The following MAML2 variants were observed in gnomAD, a reference collection of about 807,000 sequenced individuals.
The protein encoded by MAML2 is mastermind like transcriptional coactivator 2.
MAML2 carries 22 observed loss-of-function variants against 96.1 expected under a neutral mutation model. That is an observed-to-expected ratio of 0.23 (90% CI 0.16 to 0.33). MAML2 has a LOEUF of 0.33. Among genes scored for constraint, MAML2 ranks in the 10% least tolerant of loss-of-function variants. The pLI, the probability that MAML2 is intolerant of heterozygous loss-of-function variation, is 1.00. For missense variants in MAML2, 1,367 were observed against 1,392.4 expected, an observed-to-expected ratio of 0.98 and a Z score of 0.29; for synonymous variants, 561 against 521.3, an observed-to-expected ratio of 1.08 and a Z score of -1.04.
At chr11:96,149,537 G>A (rs1434488865) in intron 1 of MAML2, among the ~76,000 whole-genome samples, 1 of 151,876 alleles carries the variant, frequency 6.6e-6, no homozygotes, top group African/African-American at 2.4e-5. Context: ...TTCAAGACCA[G>A]CCTGGCCCAC....
At chr11:96,135,735 G>C (rs938577505) in intron 1 of MAML2, among the ~76,000 whole-genome samples, 1 of 150,952 alleles carries the variant, frequency 6.6e-6, no homozygotes, top group Non-Finnish European at 1.5e-5. Context: ...CTTCTGGCTC[G>C]CTGCTCAAGG....
chr11:96,229,991 A>T (rs1403668261), intron 1 of MAML2, among the ~76,000 whole-genome samples: 1 of 152,238 alleles, frequency 6.6e-6, no homozygotes, highest in African/African-American at 2.4e-5. Flanking sequence ...ATTAAACTTA[A>T]CACCAGTTGT....
At chr11:96,071,667 T>A (rs913138434) in intron 2 of MAML2, among the ~76,000 whole-genome samples, 8 of 152,224 alleles carry the variant, frequency 5.3e-5, no homozygotes, top group African/African-American at 1.9e-4. Context: ...TTCTGTAACC[T>A]CATGGACTGG....
At chr11:96,053,624 G>A (rs989639436) in intron 2 of MAML2, among the ~76,000 whole-genome samples, 4 of 125,042 alleles carry the variant, frequency 3.2e-5, no homozygotes, top group Admixed American at 1.5e-4. Context: ...TTAATGGGAT[G>A]GGGGGGTGAC....
At chr11:96,090,296 T>C (rs1015661152) in intron 2 of MAML2, among the ~76,000 whole-genome samples, 2 of 152,216 alleles carry the variant, frequency 1.3e-5, no homozygotes, top group African/African-American at 4.8e-5. Flanking sequence ...AGTGCTTTTT[T>C]AAAAATAACA....
rs556831101 is a variant in MAML2 at position 95,993,962 on chromosome 11, G to A, written c.2140-2239C>T. 5.1e-4 allele frequency among the ~76,000 whole-genome samples: 77 copies of A among 152,318 alleles called. No homozygotes were observed. The South Asian group carries it at 0.011, about 21-fold the overall frequency. On this transcript the variant is annotated intron_variant, in intron 2 of 4. Coordinates refer to ENST00000524717, the MANE Select transcript of MAML2 (RefSeq NM_032427.4). The stretch of plus-strand genomic sequence containing the variant: ...ACCCAACTTTGCAGATGAGAAACCT[G>A]AGCTCAGAGAGATCACATAGCTGTA...
intron 1 of MAML2, among the ~76,000 whole-genome samples, chr11:96,157,962 T>C (rs1861038677): frequency 6.6e-6 from 1 of 152,214 alleles, no homozygotes; most frequent in African/African-American, 2.4e-5. Flanking sequence ...CAAGGGGTGG[T>C]CTCTAATTCT....
chr11:96,041,598 A>G (rs1456978926), intron 2 of MAML2, among the ~76,000 whole-genome samples: 1 of 152,184 alleles, frequency 6.6e-6, no homozygotes, highest in African/African-American at 2.4e-5. Flanking sequence ...TGAAGAGTCT[A>G]TGGAGGTGAT....
intron 1 of MAML2, among the ~76,000 whole-genome samples, chr11:96,299,882 A>C (rs1044130844): frequency 6.6e-6 from 1 of 152,202 alleles, no homozygotes; most frequent in African/African-American, 2.4e-5. Flanking sequence ...CTGGGGAATC[A>C]AAACCAAAAC....
chr11:96,115,559 C>G (rs979589804), intron 1 of MAML2, among the ~76,000 whole-genome samples: 8 of 151,842 alleles, frequency 5.3e-5, no homozygotes, highest in East Asian at 1.9e-4. Flanking sequence ...TGTGTCTCAT[C>G]TGTTACCTCC....
chr11:96,089,319 C>T (rs1373456792), intron 2 of MAML2, among the ~76,000 whole-genome samples: 1 of 152,168 alleles, frequency 6.6e-6, no homozygotes, highest in East Asian at 1.9e-4. Flanking sequence ...ATATCAAATA[C>T]AAGTTGCTTC....
chr11:96,237,048 T>C (rs1862375890), intron 1 of MAML2, among the ~76,000 whole-genome samples: 1 of 152,074 alleles, frequency 6.6e-6, no homozygotes, highest in Non-Finnish European at 1.5e-5. Flanking sequence ...TGAGCCAAAA[T>C]GGATTAAAAA....
At chr11:96,004,726 C>T (rs890239864) in intron 2 of MAML2, among the ~76,000 whole-genome samples, 3 of 152,134 alleles carry the variant, frequency 2.0e-5, no homozygotes, top group African/African-American at 4.8e-5. Flanking sequence ...GACTTCTTGT[C>T]TATTATGGAA....
At chr11:96,197,047 T>C (rs565423377) in intron 1 of MAML2, among the ~76,000 whole-genome samples, 86 of 152,142 alleles carry the variant, frequency 5.7e-4, no homozygotes, top group Non-Finnish European at 1.1e-3. Context: ...TCTGTGCCTG[T>C]AAAAATCACT....
At chr11:95,994,023 A>T (rs185796129) in intron 2 of MAML2, among the ~76,000 whole-genome samples, 2 of 152,246 alleles carry the variant, frequency 1.3e-5, no homozygotes, top group East Asian at 1.9e-4. Flanking sequence ...GGTCTGTCTG[A>T]CCCCACAACT....
chr11:95,994,464 G>T (rs61904578), intron 2 of MAML2, among the ~76,000 whole-genome samples: 36,321 of 151,894 alleles, frequency 0.24, 4,470 homozygotes, highest in South Asian at 0.4. Context: ...AATGAGGATC[G>T]GTGAGCTGAG....
intron 2 of MAML2, among the ~76,000 whole-genome samples, chr11:96,068,572 G>A (rs111920102): frequency 0.025 from 3,865 of 151,846 alleles, 106 homozygotes; most frequent in East Asian, 0.13. Context: ...TTAAAAGTAC[G>A]TATTTTAGCA....
intron 2 of MAML2, among the ~76,000 whole-genome samples, chr11:96,017,567 G>C (rs912165852): frequency 6.6e-6 from 1 of 152,174 alleles, no homozygotes; most frequent in South Asian, 2.1e-4. Context: ...AATAATATAT[G>C]ATGATAAATA....
At chr11:96,144,601 G>C (rs1375842655) in intron 1 of MAML2, among the ~76,000 whole-genome samples, 1 of 152,118 alleles carries the variant, frequency 6.6e-6, no homozygotes, top group Non-Finnish European at 1.5e-5. Flanking sequence ...AGAGACCACT[G>C]GGCTTATTAT....
Sources: gnomAD v4.1 joint callset for allele counts (sites outside exome capture counted in the v4.1 genomes callset) on GRCh38, gnomAD v4.1.1 for gene constraint, MANE v1.5 for transcripts, NCBI Gene and HGNC (gene_info 2026-07-23, HGNC 2026-07-21) for gene names.